Variants in VWDE observed in about 807,000 individuals in gnomAD.
VWDE encodes von Willebrand factor D and EGF domains, also known as von Willebrand factor D and EGF domain-containing protein.
VWDE carries 207 observed loss-of-function variants against 178.4 expected under a neutral mutation model. The ratio of observed to expected loss-of-function variants is 1.16; its 90% CI spans 1.04 to 1.30. The LOEUF (loss-of-function observed/expected upper bound fraction) is 1.30. VWDE is among the 50% of genes most tolerant of loss of function. The probability of loss-of-function intolerance (pLI) is 0.00; values close to 1 mark genes in which losing one functional copy is unlikely to be tolerated. For missense variants in VWDE, 2,287 were observed against 1,901.3 expected (o/e 1.20, Z -3.77); for synonymous variants, 738 against 651.4 (o/e 1.13, Z -2.02).
intron 1 of VWDE, 100 bp downstream of exon 1, chr7:12,403,559 C>A (rs1344605565): frequency 8.4e-7 from 1 of 1,191,184 alleles, no homozygotes; most frequent in Middle Eastern, 2.0e-4. Context: ...TTAAAACGCA[C>A]AGGGACGCTC....
Position 12,377,895 on chromosome 7 carries a change from GAT to G in VWDE, c.903_904del (p.Ser302ArgfsTer20). 2.7e-6 allele frequency: 4 copies of G among 1,496,706 alleles called. No homozygotes were observed. Among genetic ancestry groups the G allele is most frequent in the Non-Finnish European group, 3.6e-6 (4 of 1,123,926 alleles). 92.7% of individuals were successfully genotyped at this position (1,496,706 alleles called of 1,614,324 possible). A position where few individuals can be genotyped will look rare whatever the true frequency, so the allele number is the denominator to read the frequency against. On this transcript the variant is annotated frameshift_variant, in exon 7 of 29. Coordinates refer to ENST00000275358, the MANE Select transcript of VWDE (RefSeq NM_001135924.3). LOFTEE classifies it high-confidence loss of function. ...CAGGTAGTATTCTTTCCCATCCTCT[GAT>G]ATAGTGCTCAATTCAGGCTGTAGCT...
chr7:12,382,368 T>C (rs1283665038), intron 4 of VWDE, among the ~76,000 whole-genome samples: 2 of 151,902 alleles, frequency 1.3e-5, no homozygotes, highest in Non-Finnish European at 2.9e-5. Flanking sequence ...AATATTGTTT[T>C]ATTACTTTGT....
At chr7:12,380,306 T>A (rs1014484666) in intron 5 of VWDE, among the ~76,000 whole-genome samples, 180 bp downstream of exon 5, 1 of 151,228 alleles carries the variant, frequency 6.6e-6, no homozygotes, top group East Asian at 1.9e-4. Context: ...GTCACTAAGA[T>A]CACTGACTCC....
At chr7:12,363,963 G>A (rs886139673) in intron 13 of VWDE, among the ~76,000 whole-genome samples, 2 of 151,922 alleles carry the variant, frequency 1.3e-5, no homozygotes, top group South Asian at 4.1e-4. Context: ...TTGTGACCTT[G>A]TTTCATGAAT....
intron 13 of VWDE, among the ~76,000 whole-genome samples, chr7:12,364,871 C>A (rs1782774440): frequency 6.6e-6 from 1 of 152,096 alleles, no homozygotes; most frequent in Admixed American, 6.6e-5. Flanking sequence ...AGTGAAGATA[C>A]ATGGCAAAAA....
At chr7:12,333,932 C>G (rs76530840) in intron 27 of VWDE, among the ~76,000 whole-genome samples, 8 of 151,738 alleles carry the variant, frequency 5.3e-5, no homozygotes, top group Non-Finnish European at 1.2e-4. Flanking sequence ...TAACATTAAG[C>G]AAAAATTTAA....
chr7:12,340,475 G>C, intron 23 of VWDE, 58 bp from the exon 24 acceptor site: 1 of 1,337,204 alleles, frequency 7.5e-7, no homozygotes, highest in Non-Finnish European at 1.0e-6. Context: ...AAAAATGAAA[G>C]CTGCACAGAA....
At chr7:12,341,893 G>C (rs894437827) in intron 23 of VWDE, among the ~76,000 whole-genome samples, 166 bp downstream of exon 23, 2 of 152,242 alleles carry the variant, frequency 1.3e-5, no homozygotes, top group African/African-American at 2.4e-5. Context: ...TAAAAACAAA[G>C]GGAATGAAGA....
chr7:12,398,800 C>A (rs1311297364), intron 1 of VWDE, among the ~76,000 whole-genome samples: 2 of 152,054 alleles, frequency 1.3e-5, no homozygotes, highest in African/African-American at 2.4e-5. Context: ...AAACAGAAAA[C>A]CAAATACTGC....
intron 27 of VWDE, among the ~76,000 whole-genome samples, chr7:12,334,567 A>G (rs1380492742): frequency 6.6e-6 from 1 of 152,258 alleles, no homozygotes; most frequent in East Asian, 1.9e-4. Flanking sequence ...AATTTTTATT[A>G]CAACAATTTT....
intron 19 of VWDE, among the ~76,000 whole-genome samples, chr7:12,349,596 A>C (rs908040741): frequency 8.6e-5 from 13 of 151,904 alleles, no homozygotes; most frequent in Non-Finnish European, 1.8e-4. Flanking sequence ...CAATAATTTA[A>C]GTACCTATTA....
chr7:12,336,230 C>T lies in VWDE; in HGVS notation c.4565G>A (p.Cys1522Tyr), dbSNP rs1256634737. 1 of 1,550,722 alleles carries T rather than the reference C, an allele frequency of 6.4e-7. No homozygotes were observed. The highest frequency in any genetic ancestry group is 8.7e-7 in the Non-Finnish European group (1 of 1,146,688). ...ACCACCGTTTTTACATTTCTGCAAG[C>T]AGATAGCTGCCAATCGAAATATAAA... Reference protein sequence around the residue: ...WSGKRCNTPICLQKCKNGGEC... With the variant: ...WSGKRCNTPIYLQKCKNGGEC... Residue 1522 changes from cysteine to tyrosine, a missense_variant, in exon 27 of 29, where the codon TGC becomes TAC. Coordinates refer to ENST00000275358, the MANE Select transcript of VWDE (RefSeq NM_001135924.3).
At chr7:12,350,709 C>G (rs1019796835) in intron 19 of VWDE, among the ~76,000 whole-genome samples, 5 of 152,104 alleles carry the variant, frequency 3.3e-5, no homozygotes, top group Admixed American at 2.6e-4. Context: ...ACTCCATAAT[C>G]TGAACACATT....
chr7:12,395,143 T>A (rs1177601086), intron 1 of VWDE, among the ~76,000 whole-genome samples: 2 of 152,094 alleles, frequency 1.3e-5, no homozygotes, highest in Non-Finnish European at 2.9e-5. Flanking sequence ...TGTCTCTAAA[T>A]CTTCCATAGT....
chr7:12,348,291 C>G (rs1173981229), intron 19 of VWDE, among the ~76,000 whole-genome samples: 2,052 of 148,496 alleles, frequency 0.014, 39 homozygotes, highest in African/African-American at 0.049. Context: ...AACAGGCAAC[C>G]TACAAAATGG....
At chr7:12,391,194 T>C (rs1388657612) in intron 2 of VWDE, among the ~76,000 whole-genome samples, 2 of 152,240 alleles carry the variant, frequency 1.3e-5, no homozygotes, top group African/African-American at 4.8e-5. Flanking sequence ...ACAGTAGTTA[T>C]GACTGTGTGG....
At chr7:12,342,403 G>C (rs967399768) in intron 22 of VWDE, among the ~76,000 whole-genome samples, 4 of 152,054 alleles carry the variant, frequency 2.6e-5, no homozygotes, top group Admixed American at 6.6e-5. Context: ...AACAAGACTT[G>C]GCTATTTGGG....
chr7:12,379,554 C>T lies in VWDE; in HGVS notation c.802G>A (p.Ala268Thr), dbSNP rs376742046. Residue 268 changes from alanine to threonine, a missense_variant, in exon 6 of 29, where the codon GCT (alanine) becomes ACT (threonine). Transcript: ENST00000275358. Reference protein sequence around the residue: ...LRLGDRIFCSASVFFLENPHV... With the variant: ...LRLGDRIFCSTSVFFLENPHV... The stretch of plus-strand genomic sequence containing the variant: ...GGATTCTCCAAGAAAAAGACAGAAG[C>T]GCTGCAGAATATCTATGGATATAAT... 3.8e-4 allele frequency: 593 copies of T among 1,545,966 alleles called. No individual in the cohort carries two copies. Among genetic ancestry groups the T allele is most frequent in the Non-Finnish European group, 5.1e-4 (579 of 1,144,308 alleles).
intron 2 of VWDE, among the ~76,000 whole-genome samples, chr7:12,392,407 A>G (rs1240107629): frequency 6.6e-6 from 1 of 152,190 alleles, no homozygotes; most frequent in Non-Finnish European, 1.5e-5. Context: ...TGTGGATAAA[A>G]ATGTGGTATC....
Sources: gnomAD v4.1 joint callset for allele counts (sites outside exome capture counted in the v4.1 genomes callset) on GRCh38, gnomAD v4.1.1 for gene constraint, MANE v1.5 for transcripts, NCBI Gene and HGNC (gene_info 2026-07-23, HGNC 2026-07-21) for gene names.